Variants in TSHZ3 observed in about 807,000 individuals in gnomAD.
TSHZ3 encodes teashirt zinc finger homeobox 3, also known as teashirt homolog 3.
In TSHZ3, 10 loss-of-function variants were observed where a neutral mutation model predicts 64.5. That is an observed-to-expected ratio of 0.16 (90% CI 0.10 to 0.26). TSHZ3 has a LOEUF of 0.26. Among genes scored for constraint, TSHZ3 ranks in the 10% least tolerant of loss-of-function variants. The probability of loss-of-function intolerance (pLI) is 1.00; values close to 1 mark genes in which losing one functional copy is unlikely to be tolerated. For synonymous variants in TSHZ3, 608 were observed against 593.1 expected (o/e 1.03, Z -0.36); for missense variants, 1,242 against 1,421.7 (o/e 0.87, Z 2.03).
At chr19:31,190,374 G>A (rs778076765) in intron 5 of TSHZ3, among the ~76,000 whole-genome samples, 1 of 152,144 alleles carries the variant, frequency 6.6e-6, no homozygotes, top group African/African-American at 2.4e-5. Context: ...GGGAGTCATA[G>A]GAGATTTATT....
downstream of TSHZ3, among the ~76,000 whole-genome samples, chr19:31,273,296 C>T (rs184539729): frequency 6.6e-6 from 1 of 152,162 alleles, no homozygotes; most frequent in South Asian, 2.1e-4. Flanking sequence ...TTCATGGACC[C>T]CCACGTATAT....
intron 6 of TSHZ3, among the ~76,000 whole-genome samples, chr19:31,154,023 G>T (rs1272844229): frequency 6.6e-6 from 1 of 152,208 alleles, no homozygotes; most frequent in Non-Finnish European, 1.5e-5. Flanking sequence ...AGAGAGGAAA[G>T]TGATGGTATC....
intron 1 of TSHZ3, among the ~76,000 whole-genome samples, chr19:31,343,493 A>C (rs940122669): frequency 3.3e-5 from 5 of 152,214 alleles, no homozygotes; most frequent in Admixed American, 6.5e-5. Flanking sequence ...CTTCTTTTTT[A>C]AATGGGGCTT....
At chr19:31,296,929 AG>A (rs1976671686) in intron 1 of TSHZ3, among the ~76,000 whole-genome samples, 1 of 152,214 alleles carries the variant, frequency 6.6e-6, no homozygotes, top group African/African-American at 2.4e-5. Flanking sequence ...TCAGCATTCT[AG>A]GTGAAAGTGT....
chr19:31,187,295 T>C (rs1365885130), intron 5 of TSHZ3, among the ~76,000 whole-genome samples: 2 of 152,206 alleles, frequency 1.3e-5, no homozygotes, highest in Non-Finnish European at 2.9e-5. Context: ...TTGACTTCTT[T>C]CACTCAGCAT....
chr19:31,212,172 G>C (rs984731088), intron 4 of TSHZ3, among the ~76,000 whole-genome samples: 1 of 152,080 alleles, frequency 6.6e-6, no homozygotes, highest in African/African-American at 2.4e-5. Context: ...AAAGCAAAGG[G>C]TGGCCAGACG....
At chr19:31,187,547 A>G (rs1039056757) in intron 5 of TSHZ3, among the ~76,000 whole-genome samples, 1 of 152,130 alleles carries the variant, frequency 6.6e-6, no homozygotes, top group Non-Finnish European at 1.5e-5. Flanking sequence ...GTGTTTATTT[A>G]TAAGACCTTT....
chr19:31,230,018 C>A (rs1027452), intron 3 of TSHZ3, among the ~76,000 whole-genome samples: 57,043 of 151,996 alleles, frequency 0.38, 11,720 homozygotes, highest in Non-Finnish European at 0.46. Context: ...ATGTGTAGTT[C>A]ATTTACCCAG....
At chr19:31,215,520 A>G (rs746960322) in intron 4 of TSHZ3, among the ~76,000 whole-genome samples, 5 of 152,244 alleles carry the variant, frequency 3.3e-5, no homozygotes, top group African/African-American at 4.8e-5. Context: ...GCTGGTCCCA[A>G]TTGTGTTGTT....
intron 1 of TSHZ3, among the ~76,000 whole-genome samples, chr19:31,284,654 C>T (rs1017280632): frequency 2.6e-5 from 4 of 152,160 alleles, no homozygotes; most frequent in African/African-American, 9.7e-5. Context: ...CCACCCTTCC[C>T]CGGGCCTCAG....
intron 1 of TSHZ3, among the ~76,000 whole-genome samples, chr19:31,322,978 A>C (rs1233115117): frequency 6.6e-6 from 1 of 152,228 alleles, no homozygotes; most frequent in Non-Finnish European, 1.5e-5. Context: ...GAAAAATAAA[A>C]ACCCTTACAT....
intron 1 of TSHZ3, among the ~76,000 whole-genome samples, chr19:31,317,786 G>A (rs2145162692): frequency 6.6e-6 from 1 of 152,326 alleles, no homozygotes; most frequent in Non-Finnish European, 1.5e-5. Flanking sequence ...ATCCGGGGTG[G>A]AAAGCATACA....
rs1976331917 is a variant in TSHZ3 at position 31,279,879 on chromosome 19, C to G, written c.41-127G>C. The G allele has an allele frequency of 1.4e-6, 1 of 732,232 alleles. No homozygotes were observed. Among genetic ancestry groups the G allele is most frequent in the Non-Finnish European group, 2.0e-6 (1 of 510,448 alleles). The allele number at this position is 732,232 out of a possible 1,614,324, so 45.4% of individuals were successfully genotyped here. A position where few individuals can be genotyped will look rare whatever the true frequency, so the allele number is the denominator to read the frequency against. ...TTACCTAGAATATGTTCTGGGCTCT[C>G]AGGAAAACACAGCAACCCAGATGGG... On this transcript the variant is annotated intron_variant, in intron 1 of 1. Coordinates refer to ENST00000240587, the MANE Select transcript of TSHZ3 (RefSeq NM_020856.4). The surrounding 1 kb of genome is among the most constrained non-coding windows in gnomAD (Gnocchi z 6.4).
intron 1 of TSHZ3, among the ~76,000 whole-genome samples, chr19:31,309,514 A>C (rs966185048): frequency 6.6e-6 from 1 of 152,238 alleles, no homozygotes; most frequent in African/African-American, 2.4e-5. Flanking sequence ...TCATTTGAGG[A>C]AGAACACATT....
Position 31,287,266 on chromosome 19 carries a change from T to C in TSHZ3, c.41-7514A>G, listed in dbSNP as rs181228827. On this transcript the variant is annotated intron_variant, in intron 1 of 1. Transcript: ENST00000240587. ...CTGTGAGAGTTAGCATTTTCTGGGCTGAAATAAAGGTTCTGAAGTTATAAC... is the reference window on the plus strand; with the variant it reads ...CTGTGAGAGTTAGCATTTTCTGGGCCGAAATAAAGGTTCTGAAGTTATAAC... Among the ~76,000 whole-genome samples the C allele has an allele frequency of 3.9e-4, 60 of 152,340 alleles. 1 individual carries two copies. The East Asian group carries it at 5.2e-3, about 13-fold the overall frequency.
intron 4 of TSHZ3, among the ~76,000 whole-genome samples, chr19:31,209,335 C>T (rs4805652): frequency 0.72 from 109,322 of 152,114 alleles, 39,820 homozygotes; most frequent in African/African-American, 0.85. Flanking sequence ...CTAATAATTA[C>T]TGGACACTTG....
At chr19:31,253,081 C>G (rs140300976) in intron 1 of TSHZ3, among the ~76,000 whole-genome samples, 1 of 152,152 alleles carries the variant, frequency 6.6e-6, no homozygotes, top group Non-Finnish European at 1.5e-5. Flanking sequence ...TCCTAGTGCA[C>G]GTCAAACATT....
chr19:31,296,657 T>C (rs1465906996), intron 1 of TSHZ3, among the ~76,000 whole-genome samples: 2 of 152,148 alleles, frequency 1.3e-5, no homozygotes, highest in African/African-American at 4.8e-5. Context: ...ATTTTGAAAG[T>C]TATAAAGGAA....
intron 1 of TSHZ3, among the ~76,000 whole-genome samples, chr19:31,287,173 G>A (rs987032191): frequency 1.6e-4 from 24 of 152,124 alleles, no homozygotes; most frequent in Non-Finnish European, 2.2e-4. Flanking sequence ...ACTGGGTGTG[G>A]GTGGAAAGAA....
Sources: gnomAD v4.1 joint callset for allele counts (sites outside exome capture counted in the v4.1 genomes callset) on GRCh38, gnomAD v4.1.1 for gene constraint, Gnocchi (gnomAD v3.1) non-coding constraint, MANE v1.5 for transcripts, NCBI Gene and HGNC (gene_info 2026-07-23, HGNC 2026-07-21) for gene names.